Variants in EMP2 observed in about 807,000 individuals in gnomAD.
EMP2 encodes epithelial membrane protein 2.
EMP2 carries 19 observed loss-of-function variants against 13.7 expected under a neutral mutation model. The ratio of observed to expected loss-of-function variants is 1.38; its 90% CI spans 0.97 to 2.03. The LOEUF (loss-of-function observed/expected upper bound fraction) is 2.03, where lower values mean the gene tolerates loss of function less well. Among genes scored for constraint, EMP2 ranks in the 30% most tolerant of loss-of-function variants. The probability of loss-of-function intolerance (pLI) is 0.00; values close to 1 mark genes in which losing one functional copy is unlikely to be tolerated. For missense variants in EMP2, 253 were observed against 220.7 expected, an observed-to-expected ratio of 1.15 and a Z score of -0.93; for synonymous variants, 97 against 84.7, an observed-to-expected ratio of 1.15 and a Z score of -0.80.
rs376727324 is a variant in EMP2 at position 10,535,945 on chromosome 16, C to G, written c.316+1983G>C. On this transcript the variant is annotated intron_variant, in intron 4 of 4. Transcript: ENST00000359543. ...GGACAGGAGTACAAATCCCCAGGCTCTAACCCAGCAGATGCTGATTCAAGA... is the reference window on the plus strand; with the variant it reads ...GGACAGGAGTACAAATCCCCAGGCTGTAACCCAGCAGATGCTGATTCAAGA... Among the ~76,000 whole-genome samples the G allele has an allele frequency of 8.5e-4, 129 of 152,278 alleles. 1 individual carries two copies. Among genetic ancestry groups the G allele is most frequent in the African/African-American group, 2.9e-3 (120 of 41,552 alleles).
chr16:10,571,234 T>G lies in EMP2; in HGVS notation c.-61+9315A>C, dbSNP rs562208108. 1.1e-4 allele frequency among the ~76,000 whole-genome samples: 11 copies of G among 103,072 alleles called. No individual in the cohort carries two copies. In the East Asian group the frequency reaches 1.4e-3, roughly 13 times the overall value. The allele number at this position is 103,072 out of a possible 152,430, so 67.6% of individuals were successfully genotyped here. A position where few individuals can be genotyped will look rare whatever the true frequency, so the allele number is the denominator to read the frequency against. On this transcript the variant is annotated intron_variant, in intron 1 of 4. Coordinates refer to ENST00000359543, the MANE Select transcript of EMP2 (RefSeq NM_001424.6). ...ATCGCGCCACTGCACTCCAGCCTGG[T>G]GACAGAGCAAGACTCCGTCTCAAAA...
chr16:10,578,012 G>T (rs1247430436), intron 1 of EMP2: 1 of 140,060 alleles, frequency 7.1e-6, no homozygotes, highest in Non-Finnish European at 1.5e-5. Flanking sequence ...CTGGACATCT[G>T]CTTCCCAAAC....
At chr16:10,534,495 T>C (rs1342202387) in intron 4 of EMP2, among the ~76,000 whole-genome samples, 2 of 151,992 alleles carry the variant, frequency 1.3e-5, no homozygotes, top group Admixed American at 1.3e-4. Context: ...GCTGGGTGCG[T>C]TGGATCATGC....
At chr16:10,575,237 C>CTTTT (rs761837614) in intron 1 of EMP2, among the ~76,000 whole-genome samples, 835 of 52,422 alleles carry the variant, frequency 0.016, 217 homozygotes, top group East Asian at 0.045. Flanking sequence ...AGCTTGCATT[C>CTTTT]TTTTTTTTTT....
chr16:10,557,916 G>C (rs2050842925), intron 1 of EMP2, among the ~76,000 whole-genome samples: 1 of 152,122 alleles, frequency 6.6e-6, no homozygotes, highest in East Asian at 1.9e-4. Flanking sequence ...GGAGAGAGTG[G>C]GGCTGTGGAG....
chr16:10,533,195 TTC>T (rs1182999355), intron 4 of EMP2, 103 bp from the exon 5 acceptor site: 5 of 1,110,764 alleles, frequency 4.5e-6, no homozygotes, highest in Non-Finnish European at 6.0e-6. Context: ...TCAGCTTTTA[TTC>T]TTTGTTTATT....
At chr16:10,553,980 G>A (rs997263436) in intron 1 of EMP2, among the ~76,000 whole-genome samples, 2 of 151,950 alleles carry the variant, frequency 1.3e-5, no homozygotes. Context: ...TACTGTGTCA[G>A]CCCTGATCTT....
chr16:10,563,381 G>C (rs2050885977), intron 1 of EMP2, among the ~76,000 whole-genome samples: 1 of 152,058 alleles, frequency 6.6e-6, no homozygotes, highest in South Asian at 2.1e-4. Flanking sequence ...CAGTAGAGAT[G>C]GGGTTTCACC....
rs146144160 is a variant in EMP2 at position 10,577,026 on chromosome 16, C to T, written c.-61+3523G>A. Among the ~76,000 whole-genome samples, 302 of 152,270 alleles carry T rather than the reference C, an allele frequency of 2.0e-3. 1 individual carries two copies. The highest frequency in any genetic ancestry group is 6.8e-3 in the African/African-American group (283 of 41,546). Reference sequence around the variant, plus strand: ...AATCCAGCCTCCTGGACAGATGACACGTGCTATAAGGGTCCCAGGCCCTGG... The same window carrying T: ...AATCCAGCCTCCTGGACAGATGACATGTGCTATAAGGGTCCCAGGCCCTGG... On this transcript the variant is annotated intron_variant, in intron 1 of 4. Transcript: ENST00000359543.
At chr16:10,541,858 C>G (rs766149493) in intron 3 of EMP2, among the ~76,000 whole-genome samples, 1 of 152,118 alleles carries the variant, frequency 6.6e-6, no homozygotes, top group Non-Finnish European at 1.5e-5. Context: ...GCCTATGGTC[C>G]CTGCCTGATG....
intron 1 of EMP2, among the ~76,000 whole-genome samples, chr16:10,566,857 A>G (rs969127703): frequency 1.3e-5 from 2 of 152,116 alleles, no homozygotes; most frequent in African/African-American, 4.8e-5. Context: ...GAGAGCTAAA[A>G]AAAAACTGTC....
chr16:10,573,414 T>A (rs1316901002), intron 1 of EMP2, among the ~76,000 whole-genome samples: 1 of 152,298 alleles, frequency 6.6e-6, no homozygotes, highest in South Asian at 2.1e-4. Flanking sequence ...GCATCTGCAA[T>A]GTGATGTTCC....
intron 1 of EMP2, among the ~76,000 whole-genome samples, chr16:10,572,700 C>T (rs2050956502): frequency 6.6e-6 from 1 of 152,154 alleles, no homozygotes; most frequent in African/African-American, 2.4e-5. Context: ...TTCCAAATAG[C>T]ACCTCCTCGA....
chr16:10,538,065 G>T lies in EMP2; in HGVS notation c.179C>A (p.Thr60Lys). 2 of 1,613,764 alleles carry T rather than the reference G, an allele frequency of 1.2e-6. No individual in the cohort carries two copies. Among genetic ancestry groups the T allele is most frequent in the South Asian group, 1.1e-5 (1 of 91,052 alleles). ...CATGGTGGCCTGGACCGCCTGCAGCGTGGAGTACTCTGCGGGAAAAGGGCA... is the reference window on the plus strand; with the variant it reads ...CATGGTGGCCTGGACCGCCTGCAGCTTGGAGTACTCTGCGGGAAAAGGGCA... Reference protein sequence around the residue: ...VINDSFQEYSTLQAVQATMIL... With the variant: ...VINDSFQEYSKLQAVQATMIL... The change falls in exon 4 of 5, where the codon ACG (threonine) becomes AAG (lysine). Residue 60 changes from threonine (T) to lysine (K), a missense_variant. Thr to Lys is a moderately conservative substitution (Grantham distance 78). Coordinates refer to ENST00000359543, the MANE Select transcript of EMP2 (RefSeq NM_001424.6).
Position 10,547,596 on chromosome 16 carries a change from T to G in EMP2, c.22A>C (p.Ile8Leu), listed in dbSNP as rs780528035. 1.2e-6 allele frequency: 2 copies of G among 1,613,924 alleles called. No homozygotes were observed. Among genetic ancestry groups the G allele is most frequent in the Non-Finnish European group, 1.7e-6 (2 of 1,180,022 alleles). MLVLLAF[I>L]IAFHITSAAL... Reference sequence around the variant, plus strand: ...GCAGAGGTGATGTGGAAGGCGATGATGAAAGCAAGAAGCACCAACATTTTC... The same window carrying G: ...GCAGAGGTGATGTGGAAGGCGATGAGGAAAGCAAGAAGCACCAACATTTTC... Residue 8 changes from isoleucine (I) to leucine (L), a missense_variant, in exon 2 of 5, where the codon ATC (isoleucine) becomes CTC (leucine). Physicochemically the swap from Ile to Leu is conservative, Grantham distance 5 (BLOSUM62 2). Transcript: ENST00000359543.
intron 1 of EMP2, among the ~76,000 whole-genome samples, chr16:10,574,007 G>A (rs573839512): frequency 1.5e-5 from 2 of 133,048 alleles, no homozygotes; most frequent in East Asian, 2.2e-4. Context: ...GCATGATCTC[G>A]GCTCACTGCC....
chr16:10,543,829 T>G (rs2050719690), intron 2 of EMP2, among the ~76,000 whole-genome samples, 169 bp from the exon 3 acceptor site: 1 of 152,082 alleles, frequency 6.6e-6, no homozygotes. Context: ...AGGTCTGGGG[T>G]GGGGACTGGG....
chr16:10,540,025 A>T (rs1195424658), intron 3 of EMP2, among the ~76,000 whole-genome samples: 2 of 152,186 alleles, frequency 1.3e-5, no homozygotes, highest in Admixed American at 6.5e-5. Context: ...GATGGGGCAA[A>T]TGGGGAAAAC....
intron 3 of EMP2, 118 bp downstream of exon 3, chr16:10,543,452 C>G (rs1596371425): frequency 8.5e-7 from 1 of 1,172,574 alleles, no homozygotes; most frequent in East Asian, 2.4e-5. Context: ...CGGCCAGGCC[C>G]ACCGGAGTAT....
Sources: gnomAD v4.1 joint callset for allele counts (sites outside exome capture counted in the v4.1 genomes callset) on GRCh38, gnomAD v4.1.1 for gene constraint, MANE v1.5 for transcripts, NCBI Gene and HGNC (gene_info 2026-07-23, HGNC 2026-07-21) for gene names.